Variants in UACA observed in about 807,000 individuals in gnomAD.
UACA encodes uveal autoantigen with coiled-coil domains and ankyrin repeats.
Under a neutral mutation model 160.5 loss-of-function variants are expected in UACA, and 112 were observed. That is an observed-to-expected ratio of 0.70 (90% CI 0.60 to 0.82). The LOEUF is 0.82. Ranked by LOEUF, UACA falls within the 40% of genes least tolerant of loss-of-function variation. The pLI is 0.00. For synonymous variants in UACA, 557 were observed against 568.4 expected, an observed-to-expected ratio of 0.98 and a Z score of 0.29; for missense variants, 1,574 against 1,614.6, an observed-to-expected ratio of 0.97 and a Z score of 0.43.
chr15:70,762,788 G>A (rs1384666745), intron 1 of UACA, among the ~76,000 whole-genome samples: 1 of 152,268 alleles, frequency 6.6e-6, no homozygotes, highest in African/African-American at 2.4e-5. Context: ...ACAGCGGCCA[G>A]CACGGGACGT....
chr15:70,728,302 G>A (rs1309976218), intron 1 of UACA, among the ~76,000 whole-genome samples: 2 of 152,240 alleles, frequency 1.3e-5, no homozygotes, highest in South Asian at 2.1e-4. Context: ...AGCGGCTCAC[G>A]CCTGTAATCC....
At position 70,668,383 on chromosome 15, in the gene UACA, C is replaced by T. The variant is rs751960436; in HGVS notation, c.2301G>A (p.Lys767=). The T allele has an allele frequency of 6.8e-6, 11 of 1,607,792 alleles. No individual in the cohort carries two copies. The African/African-American group carries it at 9.4e-5, about 14-fold the overall frequency. The change falls in exon 16 of 19, where the codon AAG becomes AAA. Residue 767 remains lysine, a synonymous_variant. Transcript: ENST00000322954. ...HDAIIDDLNR[K]LLDVTQKYTE... Reference sequence around the variant, plus strand: ...TATATTTTTGTGTTACATCTAAAAGCTTTCTATTAAGATCATCAATAATTG... The same window carrying T: ...TATATTTTTGTGTTACATCTAAAAGTTTTCTATTAAGATCATCAATAATTG...
chr15:70,719,278 A>G (rs1300277894), intron 1 of UACA, among the ~76,000 whole-genome samples: 1 of 152,200 alleles, frequency 6.6e-6, no homozygotes, highest in Non-Finnish European at 1.5e-5. Context: ...AAGGGTTTAC[A>G]AAGGCCAATT....
chr15:70,670,745 T>C (rs1897109706), intron 15 of UACA, among the ~76,000 whole-genome samples: 1 of 152,084 alleles, frequency 6.6e-6, no homozygotes, highest in Non-Finnish European at 1.5e-5. Flanking sequence ...TGGGCAAATA[T>C]GAAGAGTTAA....
chr15:70,687,712 G>A, intron 6 of UACA, 38 bp downstream of exon 6: 1 of 1,612,260 alleles, frequency 6.2e-7, no homozygotes, highest in Non-Finnish European at 8.5e-7. Context: ...AAGTTAGAAT[G>A]CATGAGTTGA....
intron 3 of UACA, among the ~76,000 whole-genome samples, chr15:70,692,426 G>A (rs55864531): frequency 0.015 from 2,352 of 152,208 alleles, 61 homozygotes; most frequent in African/African-American, 0.053. Context: ...GTCTCCCAAA[G>A]TAATAGGATT....
chr15:70,724,072 C>T lies in UACA; in HGVS notation c.79-24412G>A, dbSNP rs1357721918. On this transcript the variant is annotated intron_variant, in intron 1 of 18. Coordinates refer to ENST00000322954, the MANE Select transcript of UACA (RefSeq NM_018003.4). ...ATTTTAAGTGTGTTAGCTTTCTAAT[C>T]CTGTCTCCCCCCACTTTTCTGTCTA... 3.9e-5 allele frequency among the ~76,000 whole-genome samples: 6 copies of T among 152,302 alleles called. No individual in the cohort carries two copies. In the South Asian group the frequency reaches 6.2e-4, roughly 16 times the overall value.
chr15:70,769,038 C>T, the UACA span, among the ~76,000 whole-genome samples: 1 of 152,136 alleles, frequency 6.6e-6, no homozygotes, highest in Non-Finnish European at 1.5e-5. Context: ...AACAGAAGAA[C>T]ACGGCAGACA....
At chr15:70,688,968 A>G (rs1301035242) in intron 5 of UACA, among the ~76,000 whole-genome samples, 1 of 152,218 alleles carries the variant, frequency 6.6e-6, no homozygotes, top group Admixed American at 6.6e-5. Flanking sequence ...GAATATGACT[A>G]GTCACCTAGA....
At chr15:70,723,943 C>G (rs900044692) in intron 1 of UACA, among the ~76,000 whole-genome samples, 1 of 152,102 alleles carries the variant, frequency 6.6e-6, no homozygotes, top group East Asian at 1.9e-4. Flanking sequence ...TGAACTTTTT[C>G]AAAGAAACTT....
upstream of UACA, among the ~76,000 whole-genome samples, chr15:70,767,239 C>CAAAAAAAAAAAAAAAAAAA (rs747903027): frequency 2.1e-5 from 1 of 46,538 alleles, no homozygotes. Context: ...GACTCCATCT[C>CAAAAAAAAAAAAAAAAAAA]AAAAAAAAAA....
At chr15:70,723,876 C>T (rs560872231) in intron 1 of UACA, among the ~76,000 whole-genome samples, 1 of 152,246 alleles carries the variant, frequency 6.6e-6, no homozygotes, top group South Asian at 2.1e-4. Flanking sequence ...TCATGATCCA[C>T]CCGCCTCGGC....
At chr15:70,749,138 AAC>A (rs954507039) in intron 1 of UACA, 4 of 388,034 alleles carry the variant, frequency 1.0e-5, no homozygotes, top group Non-Finnish European at 2.1e-5. Context: ...CCAAAATGTT[AAC>A]TTTCGGATCT....
At chr15:70,661,743 T>C (rs931982128) in intron 17 of UACA, 2 of 152,086 alleles carry the variant, frequency 1.3e-5, no homozygotes, top group Non-Finnish European at 2.9e-5. Flanking sequence ...GATCAGCCTA[T>C]AGCAAGACCC....
intron 1 of UACA, among the ~76,000 whole-genome samples, chr15:70,757,486 C>G (rs1038508798): frequency 6.6e-6 from 1 of 152,120 alleles, no homozygotes; most frequent in Non-Finnish European, 1.5e-5. Context: ...TTAGCTGGGA[C>G]AGAATACATG....
At chr15:70,745,776 G>A (rs138620820) in intron 1 of UACA, among the ~76,000 whole-genome samples, 50 of 152,252 alleles carry the variant, frequency 3.3e-4, no homozygotes, top group Non-Finnish European at 6.3e-4. Context: ...ATAGACCAAT[G>A]GAACAGAACA....
Position 70,666,862 on chromosome 15 carries a change from C to A in UACA, c.3822G>T (p.Glu1274Asp). 1 of 1,613,936 alleles carries A rather than the reference C, an allele frequency of 6.2e-7. No homozygotes were observed. The highest frequency in any genetic ancestry group is 8.5e-7 in the Non-Finnish European group (1 of 1,179,962). The change falls in exon 16 of 19, where the codon GAG becomes GAT. Residue 1274 changes from glutamate (E) to aspartate (D), a missense_variant. Physicochemically the swap from Glu to Asp is conservative, Grantham distance 45 (BLOSUM62 2). Transcript: ENST00000322954. ...AKKKEISAKD[E>D]KELLHFSIEQ... ...CAATGCTGAAATGCAGTAATTCCTT[C>A]TCATCTTTTGCAGATATTTCCTTCT...
At chr15:70,708,629 C>T (rs776993848) in intron 1 of UACA, among the ~76,000 whole-genome samples, 29 of 151,918 alleles carry the variant, frequency 1.9e-4, no homozygotes, top group Non-Finnish European at 4.4e-5. Flanking sequence ...CACCCACACC[C>T]GGCTAATTTT....
At chr15:70,704,117 G>A (rs1242716801) in intron 1 of UACA, among the ~76,000 whole-genome samples, 1 of 152,130 alleles carries the variant, frequency 6.6e-6, no homozygotes, top group African/African-American at 2.4e-5. Flanking sequence ...TTTCTTCTGT[G>A]TCTGGTTTGA....
Sources: gnomAD v4.1 joint callset for allele counts (sites outside exome capture counted in the v4.1 genomes callset) on GRCh38, gnomAD v4.1.1 for gene constraint, MANE v1.5 for transcripts, NCBI Gene and HGNC (gene_info 2026-07-23, HGNC 2026-07-21) for gene names.